Variants in PRKN observed in about 807,000 individuals in gnomAD.
The protein encoded by PRKN is E3 ubiquitin-protein ligase parkin.
A neutral mutation model predicts 59.5 loss-of-function variants in PRKN; 56 were observed. That is an observed-to-expected ratio of 0.94 (90% CI 0.76 to 1.18). The LOEUF (loss-of-function observed/expected upper bound fraction) is 1.18, where lower values mean the gene tolerates loss of function less well. Ranked by LOEUF, PRKN falls within the 50% of genes most tolerant of loss-of-function variation. The pLI is 0.00. For synonymous variants in PRKN, 250 were observed against 222.1 expected (o/e 1.13, Z -1.12); for missense variants, 657 against 596.4 (o/e 1.10, Z -1.06).
chr6:162,534,166 T>C (rs748214376), intron 1 of PRKN, among the ~76,000 whole-genome samples: 1 of 152,126 alleles, frequency 6.6e-6, no homozygotes, highest in Non-Finnish European at 1.5e-5. Flanking sequence ...CTTGACATGA[T>C]GTTCAGATCT....
intron 1 of PRKN, among the ~76,000 whole-genome samples, chr6:162,493,874 A>G (rs1792932722): frequency 6.6e-6 from 1 of 152,162 alleles, no homozygotes; most frequent in South Asian, 2.1e-4. Flanking sequence ...TGTCTTCAGG[A>G]AAACCAGCCT....
Position 161,386,695 on chromosome 6 carries a change from C to T in PRKN, c.1167+99G>A. On this transcript the variant is annotated intron_variant, in intron 10 of 11. Transcript: ENST00000366898. This position sits in a 1 kb window ranked among gnomAD's most constrained non-coding sequence, Gnocchi z 4.3. ...CTGTCAGCTACCAGTCTGCTTCTTG[C>T]TTTTTTAGAATGGAACTCTCCATGA... 3 of 978,442 alleles carry T rather than the reference C, an allele frequency of 3.1e-6. No individual in the cohort carries two copies. The highest frequency in any genetic ancestry group is 1.7e-5 in the Admixed American group (1 of 58,248). 60.6% of individuals were successfully genotyped at this position (978,442 alleles called of 1,614,324 possible).
chr6:161,749,725 G>T (rs1788595226), intron 7 of PRKN, among the ~76,000 whole-genome samples: 1 of 151,998 alleles, frequency 6.6e-6, no homozygotes. Context: ...TAATCCCTCG[G>T]CCTCGGGGCT....
intron 9 of PRKN, among the ~76,000 whole-genome samples, chr6:161,427,976 G>A (rs898559190): frequency 3.3e-5 from 5 of 152,150 alleles, no homozygotes; most frequent in South Asian, 2.1e-4. Context: ...GCTTTGGTGC[G>A]GGGATGGGCT....
intron 6 of PRKN, among the ~76,000 whole-genome samples, chr6:161,918,290 AG>A (rs1283282234): frequency 6.6e-6 from 1 of 152,222 alleles, no homozygotes; most frequent in Non-Finnish European, 1.5e-5. Flanking sequence ...TCTAGAACCC[AG>A]GAAGAGTGTG....
chr6:162,653,911 T>C (rs1778541633), intron 1 of PRKN, among the ~76,000 whole-genome samples: 1 of 152,210 alleles, frequency 6.6e-6, no homozygotes, highest in Admixed American at 6.5e-5. Context: ...TTTCAATGAA[T>C]AACCATTTAT....
At chr6:162,164,890 C>A (rs1007309784) in intron 4 of PRKN, among the ~76,000 whole-genome samples, 1 of 148,716 alleles carries the variant, frequency 6.7e-6, no homozygotes, top group Admixed American at 6.7e-5. Flanking sequence ...AAACATTTTC[C>A]AGGAATGTAC....
intron 6 of PRKN, among the ~76,000 whole-genome samples, chr6:161,908,092 GACAACA>G (rs71799804): frequency 6.6e-5 from 10 of 151,618 alleles, no homozygotes; most frequent in South Asian, 2.1e-4. Flanking sequence ...TAACAACAAC[GACAACA>G]ACAACAACAA....
intron 1 of PRKN, among the ~76,000 whole-genome samples, chr6:162,713,029 G>C (rs1168426771): frequency 6.6e-6 from 1 of 152,154 alleles, no homozygotes; most frequent in Non-Finnish European, 1.5e-5. Context: ...TAATATTATA[G>C]TTTGAACGGA....
chr6:161,452,683 G>C (rs944250937), intron 9 of PRKN, among the ~76,000 whole-genome samples: 5 of 152,082 alleles, frequency 3.3e-5, no homozygotes, highest in Non-Finnish European at 4.4e-5. Flanking sequence ...TTTTGGGATT[G>C]TCCTCTCAAT....
chr6:162,130,917 T>C (rs1781326186), intron 4 of PRKN, among the ~76,000 whole-genome samples: 1 of 152,150 alleles, frequency 6.6e-6, no homozygotes, highest in South Asian at 2.1e-4. Flanking sequence ...ATAGATGATA[T>C]AATGACAAGG....
In PRKN at chr6:162,568,717, T is replaced by TG. The variant is rs535713714; in HGVS notation, c.8-125245dup. ...CAGCAGAAGATGGCTTGGAGCAACA[T>TG]GGGCAACATGTTCAAGAGCTACATC... On this transcript the variant is annotated intron_variant, in intron 1 of 11. Transcript: ENST00000366898. The TG allele has an allele frequency of 1.5e-4, 116 of 770,484 alleles. No individual in the cohort carries two copies. In the African/African-American group the frequency reaches 1.8e-3, roughly 12 times the overall value. The allele number at this position is 770,484 out of a possible 1,614,324, so 47.7% of individuals were successfully genotyped here. A position where few individuals can be genotyped will look rare whatever the true frequency, so the allele number is the denominator to read the frequency against.
intron 1 of PRKN, among the ~76,000 whole-genome samples, chr6:162,450,957 G>T (rs1309495588): frequency 6.6e-6 from 1 of 152,008 alleles, no homozygotes; most frequent in Non-Finnish European, 1.5e-5. Flanking sequence ...CTGGGTGTGG[G>T]GTACATGGGA....
rs114656786 is a variant in PRKN, at chr6:162,233,936, C to T, written c.412+28589G>A. 8.1e-3 allele frequency among the ~76,000 whole-genome samples: 1,230 copies of T among 152,218 alleles called. 9 individuals carry two copies. The highest frequency in any genetic ancestry group is 0.027 in the Middle Eastern group (8 of 294). The stretch of plus-strand genomic sequence containing the variant: ...ACTTTCCAGCTTCTAGAAGCATGAG[C>T]CCAATAAACTTATTTTATTAACAGA... On this transcript the variant is annotated intron_variant, in intron 3 of 11. Coordinates refer to ENST00000366898, the MANE Select transcript of PRKN (RefSeq NM_004562.3).
At chr6:161,741,941 G>GATTTATTT (rs71805664) in intron 7 of PRKN, among the ~76,000 whole-genome samples, 65 of 143,880 alleles carry the variant, frequency 4.5e-4, no homozygotes, top group African/African-American at 1.2e-3. Context: ...GATCTGATGG[G>GATTTATTT]ATTTATTTAT....
chr6:162,143,840 G>A (rs374720275), intron 4 of PRKN, among the ~76,000 whole-genome samples: 14 of 152,276 alleles, frequency 9.2e-5, no homozygotes, highest in African/African-American at 3.4e-4. Context: ...GAAGCGACGG[G>A]CTGCAGCCAT....
rs1562535035 is a variant in PRKN, at chr6:161,573,757, TATATATATATATATATATATATATATA to T, written c.872-4368_872-4342del. The stretch of plus-strand genomic sequence containing the variant: ...AAAAAAAAAAAAAAAAAAAAAAAAA[TATATATATATATATATATATATATATA>T]TATATATATATAAAACTTCATTCAA... On this transcript the variant is annotated intron_variant, in intron 7 of 11. Coordinates refer to ENST00000366898, the MANE Select transcript of PRKN (RefSeq NM_004562.3). Among the ~76,000 whole-genome samples the T allele has an allele frequency of 1.1e-4, 5 of 44,958 alleles. 1 individual carries two copies. Among genetic ancestry groups the T allele is most frequent in the African/African-American group, 4.1e-4 (4 of 9,768 alleles). 29.5% of individuals were successfully genotyped at this position (44,958 alleles called of 152,430 possible).
At chr6:161,925,988 T>C (rs1778954703) in intron 6 of PRKN, among the ~76,000 whole-genome samples, 2 of 152,206 alleles carry the variant, frequency 1.3e-5, no homozygotes, top group Admixed American at 1.3e-4. Flanking sequence ...ATTAAGAACA[T>C]TGGAGCTGAG....
At chr6:162,043,914 G>A (rs958769770) in intron 5 of PRKN, among the ~76,000 whole-genome samples, 4 of 152,114 alleles carry the variant, frequency 2.6e-5, no homozygotes, top group South Asian at 2.1e-4. Flanking sequence ...GGAGAAACAC[G>A]AACAGTCAAG....
Sources: gnomAD v4.1 joint callset for allele counts (sites outside exome capture counted in the v4.1 genomes callset) on GRCh38, gnomAD v4.1.1 for gene constraint, Gnocchi (gnomAD v3.1) non-coding constraint, MANE v1.5 for transcripts, NCBI Gene and HGNC (gene_info 2026-07-23, HGNC 2026-07-21) for gene names.